IFT88: variants seen among roughly 807,000 people sequenced by gnomAD.
IFT88 encodes the protein intraflagellar transport 88, also known as intraflagellar transport protein 88 homolog.
Under a neutral mutation model 119.5 loss-of-function variants are expected in IFT88, and 74 were observed. The observed-to-expected ratio is 0.62, with a 90% CI of 0.51 to 0.75. IFT88 has a LOEUF of 0.75. Among genes scored for constraint, IFT88 ranks in the 30% least tolerant of loss-of-function variants. The pLI is 0.00. For synonymous variants in IFT88, 279 were observed against 316.7 expected (o/e 0.88, Z 1.26); for missense variants, 961 against 977.7 (o/e 0.98, Z 0.23).
chr13:20,663,739 G>T, intron 23 of IFT88, 135 bp downstream of exon 23: 2 of 634,384 alleles, frequency 3.2e-6, no homozygotes. Flanking sequence ...ATAATAGGAG[G>T]AATAACTAAA....
At position 20,601,710 on chromosome 13, in the gene IFT88, A is replaced by C. The variant is rs200419751; in HGVS notation, c.818A>C (p.Lys273Thr). The change falls in exon 12 of 26, where the codon AAA (lysine) becomes ACA (threonine). Residue 273 changes from lysine to threonine, a missense_variant. Transcript: ENST00000351808. ...TCCATGTCTTTTTCTTTTAGGATTA[A>C]AATAATGCAGAATATTGGAGTTACA... is the stretch of plus-strand genomic sequence containing the variant. ...VPSVNKQMRIKIMQNIGVTFI... is the reference protein window; with the variant it reads ...VPSVNKQMRITIMQNIGVTFI... 5 of 1,593,528 alleles carry C rather than the reference A, an allele frequency of 3.1e-6. No individual in the cohort carries two copies. Among genetic ancestry groups the C allele is most frequent in the Non-Finnish European group, 4.3e-6 (5 of 1,163,494 alleles).
At chr13:20,660,284 G>A (rs145257299) in intron 22 of IFT88, among the ~76,000 whole-genome samples, 10 of 152,286 alleles carry the variant, frequency 6.6e-5, no homozygotes, top group Non-Finnish European at 1.3e-4. Flanking sequence ...AGGTCAATGT[G>A]GTTGAAGCAC....
intron 16 of IFT88, among the ~76,000 whole-genome samples, chr13:20,632,983 A>G (rs778281618): frequency 1.4e-4 from 21 of 152,230 alleles, no homozygotes; most frequent in Non-Finnish European, 2.8e-4. Context: ...GAAGAAAGAG[A>G]TCCAAACCCC....
At chr13:20,599,687 G>A (rs2497475) in intron 11 of IFT88, 122 bp downstream of exon 11, 104,545 of 580,832 alleles carry the variant, frequency 0.18, 10,777 homozygotes, top group African/African-American at 0.31. Flanking sequence ...AGATTTATAC[G>A]TGTAGTATTT....
At chr13:20,570,668 G>A (rs1385584123) in intron 1 of IFT88, among the ~76,000 whole-genome samples, 3 of 60,514 alleles carry the variant, frequency 5.0e-5, no homozygotes, top group African/African-American at 1.4e-4. Context: ...CAAATCCATA[G>A]AGACAGAAAA....
chr13:20,608,353 C>G (rs1355657494), intron 13 of IFT88, among the ~76,000 whole-genome samples: 1 of 152,208 alleles, frequency 6.6e-6, no homozygotes, highest in Non-Finnish European at 1.5e-5. Flanking sequence ...GCTGTGGGCT[C>G]TGGGCAAACC....
chr13:20,629,658 A>G (rs746147598), intron 15 of IFT88, among the ~76,000 whole-genome samples: 3 of 152,214 alleles, frequency 2.0e-5, no homozygotes, highest in African/African-American at 4.8e-5. Context: ...AAATTGAGTC[A>G]GTTTGCCTAC....
chr13:20,657,856 C>A (rs973592069), intron 22 of IFT88, among the ~76,000 whole-genome samples: 1 of 152,098 alleles, frequency 6.6e-6, no homozygotes, highest in Non-Finnish European at 1.5e-5. Context: ...AAAAACAAAT[C>A]TTTTCTGAGC....
chr13:20,596,302 C>T, intron 8 of IFT88, 62 bp downstream of exon 8: 2 of 665,680 alleles, frequency 3.0e-6, no homozygotes, highest in Non-Finnish European at 5.0e-6. Context: ...TGCTTTTATA[C>T]ATACACCGTA....
chr13:20,661,195 A>G lies in IFT88; in HGVS notation c.2069-2303A>G, dbSNP rs577925750. 6.8e-4 allele frequency among the ~76,000 whole-genome samples: 103 copies of G among 152,316 alleles called. No individual in the cohort carries two copies. In the Middle Eastern group the frequency reaches 0.01, roughly 15 times the overall value. On this transcript the variant is annotated intron_variant, in intron 22 of 25. Coordinates refer to ENST00000351808, the MANE Select transcript of IFT88 (RefSeq NM_006531.5). ...TACAGAGGATCTCTTAACTCTGCCCAAACTAGGGGACGATTGACATAATTA... is the reference window on the plus strand; with the variant it reads ...TACAGAGGATCTCTTAACTCTGCCCGAACTAGGGGACGATTGACATAATTA...
chr13:20,643,674 G>A (rs2050299700), intron 19 of IFT88, 69 bp downstream of exon 19: 2 of 1,093,800 alleles, frequency 1.8e-6, no homozygotes, highest in Non-Finnish European at 1.3e-6. Context: ...AAGGCAGCAA[G>A]GCTTTAAAAT....
intron 14 of IFT88, among the ~76,000 whole-genome samples, chr13:20,625,115 A>G (rs1319107535): frequency 6.6e-6 from 1 of 152,200 alleles, no homozygotes; most frequent in African/African-American, 2.4e-5. Context: ...ATAACTCAGT[A>G]TGAAAAATGC....
intron 21 of IFT88, among the ~76,000 whole-genome samples, chr13:20,655,709 GTCTCAAAC>G (rs2052656067): frequency 6.6e-6 from 1 of 151,986 alleles, no homozygotes; most frequent in African/African-American, 2.4e-5. Context: ...GCCCAGGCTG[GTCTCAAAC>G]TCCTGGCCTC....
intron 23 of IFT88, among the ~76,000 whole-genome samples, chr13:20,664,358 G>T (rs1278743887): frequency 1.3e-5 from 2 of 152,068 alleles, no homozygotes; most frequent in Non-Finnish European, 2.9e-5. Context: ...TTTTGTGCTT[G>T]GGGGAATCCA....
Position 20,600,344 on chromosome 13 carries a change from A to G in IFT88, c.812+779A>G, listed in dbSNP as rs189795691. 4.3e-4 allele frequency among the ~76,000 whole-genome samples: 66 copies of G among 152,230 alleles called. 1 individual carries two copies. The highest frequency in any genetic ancestry group is 3.8e-3 in the Admixed American group (58 of 15,274). ...ATCAATAATCAAGACAATGGGTGCT[A>G]TAATAATTCAGTGGAAGAAATCATT... is the stretch of plus-strand genomic sequence containing the variant. On this transcript the variant is annotated intron_variant, in intron 11 of 25. Transcript: ENST00000351808.
intron 1 of IFT88, among the ~76,000 whole-genome samples, chr13:20,570,734 C>A (rs866980356): frequency 6.6e-6 from 1 of 151,952 alleles, no homozygotes; most frequent in South Asian, 2.1e-4. Context: ...CTAACAGGCC[C>A]CATATTTCTT....
At chr13:20,618,328 G>C (rs1230513745) in intron 14 of IFT88, among the ~76,000 whole-genome samples, 1 of 152,132 alleles carries the variant, frequency 6.6e-6, no homozygotes, top group East Asian at 1.9e-4. Flanking sequence ...CTGTAGATCT[G>C]AGTCAGGGTT....
At chr13:20,639,478 C>T (rs1382948263) in intron 17 of IFT88, among the ~76,000 whole-genome samples, 1 of 152,126 alleles carries the variant, frequency 6.6e-6, no homozygotes, top group Non-Finnish European at 1.5e-5. Flanking sequence ...AGGCCTACTG[C>T]CAACCTTGAA....
intron 23 of IFT88, among the ~76,000 whole-genome samples, chr13:20,666,121 G>T (rs1288748821): frequency 6.6e-6 from 1 of 152,172 alleles, no homozygotes; most frequent in Non-Finnish European, 1.5e-5. Flanking sequence ...GCGTAGTATG[G>T]TGGACAGAAC....
Sources: gnomAD v4.1 joint callset for allele counts (sites outside exome capture counted in the v4.1 genomes callset) on GRCh38, gnomAD v4.1.1 for gene constraint, MANE v1.5 for transcripts, NCBI Gene and HGNC (gene_info 2026-07-23, HGNC 2026-07-21) for gene names.